Variants in ABTB2 observed in about 807,000 individuals in gnomAD.
ABTB2 encodes ankyrin repeat and BTB domain containing 2, also known as ankyrin repeat and BTB/POZ domain-containing protein 2.
In ABTB2, 56 loss-of-function variants were observed where a neutral mutation model predicts 104.1. The observed-to-expected ratio is 0.54, with a 90% confidence interval of 0.43 to 0.67. ABTB2 has a LOEUF of 0.67. ABTB2 is among the 30% of genes least tolerant of loss of function. ABTB2 has a pLI of 0.00. For missense variants in ABTB2, 1,279 were observed against 1,407.7 expected (o/e 0.91, Z 1.46); for synonymous variants, 606 against 608.2 (o/e 1.00, Z 0.05).
chr11:34,310,372 C>G (rs1278204493), intron 1 of ABTB2, among the ~76,000 whole-genome samples: 2 of 152,138 alleles, frequency 1.3e-5, no homozygotes, highest in Non-Finnish European at 2.9e-5. Context: ...GATTCACCTA[C>G]CCCTCCCTGC....
chr11:34,237,192 T>TA (rs758429446), intron 1 of ABTB2, among the ~76,000 whole-genome samples: 1 of 151,946 alleles, frequency 6.6e-6, no homozygotes, highest in Non-Finnish European at 1.5e-5. Context: ...ATGCAATAGA[T>TA]ACACAGTAAA....
At position 34,159,331 on chromosome 11, in the gene ABTB2, T is replaced by C; in HGVS notation, c.2662A>G (p.Ile888Val). ...TGGTACTTCATGTCGCTGATCTCGA[T>C]GGTCTTGCTGCTGTCCCCATCCTGT... is the stretch of plus-strand genomic sequence containing the variant. ...SEQDGDSSKT[I>V]EISDMKYHIF... is the part of the protein sequence containing the mutation. Residue 888 changes from isoleucine to valine, a missense_variant, in exon 14 of 17, where the codon ATC (isoleucine) becomes GTC (valine). Physicochemically the swap from Ile to Val is conservative, Grantham distance 29. Coordinates refer to ENST00000435224, the MANE Select transcript of ABTB2 (RefSeq NM_145804.3). 6.2e-7 allele frequency: 1 copy of C among 1,614,022 alleles called. No homozygotes were observed. The highest frequency in any genetic ancestry group is 8.5e-7 in the Non-Finnish European group (1 of 1,179,948).
chr11:34,248,403 G>T (rs1269074925), intron 1 of ABTB2, among the ~76,000 whole-genome samples: 3 of 151,800 alleles, frequency 2.0e-5, no homozygotes, highest in Non-Finnish European at 4.4e-5. Context: ...TTTTTTAAAG[G>T]GTTAACTACC....
chr11:34,314,810 C>A (rs1338118034), intron 1 of ABTB2, among the ~76,000 whole-genome samples: 1 of 152,196 alleles, frequency 6.6e-6, no homozygotes, highest in South Asian at 2.1e-4. Context: ...GATAGCTGAT[C>A]ATTAAGCCAA....
rs941554767 is a variant in ABTB2, at chr11:34,154,063, C to T, written c.2880+202G>A. Among the ~76,000 whole-genome samples the T allele has an allele frequency of 1.3e-5, 2 of 152,166 alleles. No homozygotes were observed. Among genetic ancestry groups the T allele is most frequent in the Non-Finnish European group, 2.9e-5 (2 of 68,030 alleles). ...GCAGCTGGCTCAAAAGCTCACCTCC[C>T]AAGCTACCACATGGCCAGTGGGCAG... is the stretch of plus-strand genomic sequence containing the variant. On this transcript the variant is annotated intron_variant, in intron 16 of 16. Coordinates refer to ENST00000435224, the MANE Select transcript of ABTB2 (RefSeq NM_145804.3). This position sits in a 1 kb window ranked among gnomAD's most constrained non-coding sequence, Gnocchi z 4.9.
chr11:34,357,906 G>T lies in ABTB2; in HGVS notation c.-323C>A. The T allele has an allele frequency of 3.6e-6, 1 of 280,028 alleles. No individual in the cohort carries two copies. The highest frequency in any genetic ancestry group is 1.1e-4 in the South Asian group (1 of 9,140). 17.3% of individuals were successfully genotyped at this position (280,028 alleles called of 1,614,324 possible). ...AGTCCTCCACAGAGAAGGAATCCCG[G>T]GAGAACAGGGCGGCGGCGGCAGAAG... On this transcript the variant is annotated 5_prime_UTR_variant, in exon 1 of 17. Coordinates refer to ENST00000435224, the MANE Select transcript of ABTB2 (RefSeq NM_145804.3).
intron 1 of ABTB2, among the ~76,000 whole-genome samples, chr11:34,260,026 C>G (rs1854170588): frequency 6.6e-6 from 1 of 152,108 alleles, no homozygotes; most frequent in Non-Finnish European, 1.5e-5. Flanking sequence ...TCAGGCTGGT[C>G]TCAAACTCCT....
At chr11:34,322,794 C>T (rs1162509638) in intron 1 of ABTB2, among the ~76,000 whole-genome samples, 1 of 152,052 alleles carries the variant, frequency 6.6e-6, no homozygotes, top group Non-Finnish European at 1.5e-5. Context: ...ACTTCAGCCC[C>T]CCACCCTCCC....
intron 1 of ABTB2, among the ~76,000 whole-genome samples, chr11:34,316,863 G>T (rs186081698): frequency 6.6e-6 from 1 of 152,106 alleles, no homozygotes; most frequent in Non-Finnish European, 1.5e-5. Flanking sequence ...AAGATATGTG[G>T]GAAGCTTGTG....
chr11:34,159,077 T>C (rs1852671289), intron 14 of ABTB2, among the ~76,000 whole-genome samples: 1 of 152,222 alleles, frequency 6.6e-6, no homozygotes, highest in Non-Finnish European at 1.5e-5. Context: ...GTCCAGCGGT[T>C]AGAGCTCAGG....
At chr11:34,193,849 C>G (rs182113578) in intron 3 of ABTB2, among the ~76,000 whole-genome samples, 7 of 152,308 alleles carry the variant, frequency 4.6e-5, no homozygotes, top group Admixed American at 1.3e-4. Context: ...GCTTCTCATT[C>G]CCTGCAAGGC....
intron 1 of ABTB2, among the ~76,000 whole-genome samples, chr11:34,341,536 A>G (rs1388553623): frequency 6.6e-6 from 1 of 152,246 alleles, no homozygotes; most frequent in Non-Finnish European, 1.5e-5. Flanking sequence ...GCATTGTCCA[A>G]TATGGTAGCC....
intron 1 of ABTB2, among the ~76,000 whole-genome samples, chr11:34,312,478 G>A (rs535643646): frequency 3.3e-5 from 5 of 152,200 alleles, no homozygotes; most frequent in Non-Finnish European, 5.9e-5. Flanking sequence ...TGGCCATTCC[G>A]CAGGGCTTGA....
intron 1 of ABTB2, among the ~76,000 whole-genome samples, chr11:34,245,753 A>G (rs1444020910): frequency 6.6e-6 from 1 of 152,112 alleles, no homozygotes; most frequent in African/African-American, 2.4e-5. Flanking sequence ...GTGTTTCACA[A>G]TGAAGGGAAA....
intron 1 of ABTB2, among the ~76,000 whole-genome samples, chr11:34,278,198 AG>A (rs775556647): frequency 4.6e-5 from 7 of 152,136 alleles, no homozygotes; most frequent in Non-Finnish European, 1.0e-4. Flanking sequence ...TAAAAAAAAA[AG>A]TTAAAAAAAT....
chr11:34,265,057 TCA>T (rs2133076794), intron 1 of ABTB2, among the ~76,000 whole-genome samples: 1 of 152,308 alleles, frequency 6.6e-6, no homozygotes, highest in East Asian at 1.9e-4. Flanking sequence ...TCCTCGTGAC[TCA>T]GTCGCTTCAT....
intron 1 of ABTB2, among the ~76,000 whole-genome samples, chr11:34,253,300 C>T (rs1480169052): frequency 6.6e-6 from 1 of 152,196 alleles, no homozygotes; most frequent in Non-Finnish European, 1.5e-5. Context: ...CTGTTCATGT[C>T]GGCAACTCCT....
chr11:34,165,249 C>T lies in ABTB2; in HGVS notation c.1852+11G>A, dbSNP rs1343401880. On this transcript the variant is annotated intron_variant, in intron 8 of 16. Coordinates refer to ENST00000435224, the MANE Select transcript of ABTB2 (RefSeq NM_145804.3). ...AAGGGTAGACAGAGCCTCCGGGTAG[C>T]AGGTGCCTACCTGCCGCAGAGGCCA... The T allele has an allele frequency of 6.5e-7, 1 of 1,542,596 alleles. No individual in the cohort carries two copies. The highest frequency in any genetic ancestry group is 8.7e-7 in the Non-Finnish European group (1 of 1,142,866).
chr11:34,226,832 G>A (rs1489664763), intron 1 of ABTB2, among the ~76,000 whole-genome samples: 2 of 152,142 alleles, frequency 1.3e-5, no homozygotes, highest in Non-Finnish European at 2.9e-5. Flanking sequence ...TTGGGAGGCC[G>A]AGGCAGGTGG....
Sources: allele counts gnomAD v4.1 joint callset (sites outside exome capture counted in the v4.1 genomes callset), GRCh38; gene constraint gnomAD v4.1.1; non-coding constraint Gnocchi (gnomAD v3.1); transcripts MANE v1.5; gene names NCBI Gene and HGNC (gene_info 2026-07-23, HGNC 2026-07-21).